MAP3K12: variants seen among roughly 807,000 people sequenced by gnomAD.
The protein encoded by MAP3K12 is mitogen-activated protein kinase kinase kinase 12.
Under a neutral mutation model 87.5 loss-of-function variants are expected in MAP3K12, and 14 were observed. That is an observed-to-expected ratio of 0.16 (90% CI 0.11 to 0.25). The LOEUF (loss-of-function observed/expected upper bound fraction) is 0.25. MAP3K12 is among the 10% of genes least tolerant of loss of function. The pLI is 1.00. For synonymous variants in MAP3K12, 469 were observed against 452.5 expected, an observed-to-expected ratio of 1.04 and a Z score of -0.46; for missense variants, 802 against 1,140.4, an observed-to-expected ratio of 0.70 and a Z score of 4.27.
Position 53,481,134 on chromosome 12 carries a change from T to C in MAP3K12, c.*48A>G. 1 of 741,436 alleles carries C rather than the reference T, an allele frequency of 1.3e-6. No homozygotes were observed. The highest frequency in any genetic ancestry group is 4.7e-5 in the Admixed American group (1 of 21,138). The allele number at this position is 741,436 out of a possible 1,614,324, so 45.9% of individuals were successfully genotyped here. ...ATATATATATATATATGTATATATATATAATTTATATAAATATTTCTCTAT... is the reference window on the plus strand; with the variant it reads ...ATATATATATATATATGTATATATACATAATTTATATAAATATTTCTCTAT... On this transcript the variant is annotated 3_prime_UTR_variant, in exon 14 of 14. Transcript: ENST00000547488.
In MAP3K12 at chr12:53,486,281, T is replaced by G. The variant is rs745612185; in HGVS notation, c.630-34A>C. On this transcript the variant is annotated intron_variant, in intron 3 of 13. Coordinates refer to ENST00000547488, the MANE Select transcript of MAP3K12 (RefSeq NM_001193511.2). This position sits in a 1 kb window ranked among gnomAD's most constrained non-coding sequence, Gnocchi z 4.9. ...CAAACAATGGTATGAAGGCCTCAGC[T>G]GGCTCAGCATTCACCTGATTCATAC... 3.2e-6 allele frequency: 5 copies of G among 1,570,562 alleles called. No individual in the cohort carries two copies. The highest frequency in any genetic ancestry group is 2.7e-5 in the African/African-American group (2 of 74,134).
At chr12:53,495,891 A>G (rs974752137) in intron 1 of MAP3K12, among the ~76,000 whole-genome samples, 1 of 152,312 alleles carries the variant, frequency 6.6e-6, no homozygotes, top group East Asian at 1.9e-4. Flanking sequence ...CCACACTTCC[A>G]GTGGGGTGGG....
intron 6 of MAP3K12, 90 bp downstream of exon 6, chr12:53,484,966 T>C: frequency 6.7e-7 from 1 of 1,482,920 alleles, no homozygotes; most frequent in Non-Finnish European, 9.3e-7. Context: ...GAATTAAATG[T>C]ACCCCTGCCA....
chr12:53,489,301 G>A (rs948212969), intron 1 of MAP3K12, among the ~76,000 whole-genome samples: 3 of 151,884 alleles, frequency 2.0e-5, no homozygotes, highest in Non-Finnish European at 2.9e-5. Flanking sequence ...CCTGGGCGAA[G>A]TAGCCAAACC....
At chr12:53,485,877 T>C (rs146954566) in intron 4 of MAP3K12, 179 bp downstream of exon 4, 25 of 615,278 alleles carry the variant, frequency 4.1e-5, no homozygotes, top group Non-Finnish European at 6.7e-5. Context: ...TTAAAATCAT[T>C]TGGGACACTC....
At position 53,482,002 on chromosome 12, in the gene MAP3K12, A is replaced by C; in HGVS notation, c.2519T>G (p.Val840Gly). The part of the protein sequence containing the change: ...EIPLDPPPSE[V>G]IPGPEPSSLP... ...GGAGCTGGGTTCAGGGCCAGGGATG[A>C]CCTCTGAAGGAGGTGGGTCCAGTGG... Residue 840 changes from valine (V) to glycine (G), a missense_variant, in exon 13 of 14, where the codon GTC becomes GGC. Coordinates refer to ENST00000547488, the MANE Select transcript of MAP3K12 (RefSeq NM_001193511.2). The C allele has an allele frequency of 6.2e-7, 1 of 1,614,104 alleles. No individual in the cohort carries two copies. The highest frequency in any genetic ancestry group is 8.5e-7 in the Non-Finnish European group (1 of 1,180,020).
intron 1 of MAP3K12, among the ~76,000 whole-genome samples, chr12:53,489,899 G>A (rs776210423): frequency 1.3e-5 from 2 of 152,142 alleles, no homozygotes; most frequent in Non-Finnish European, 2.9e-5. Context: ...CACTGTTACT[G>A]CCTTAGTTCA....
At chr12:53,491,157 G>A (rs990029573) in intron 1 of MAP3K12, among the ~76,000 whole-genome samples, 8 of 150,328 alleles carry the variant, frequency 5.3e-5, no homozygotes, top group Non-Finnish European at 7.4e-5. Context: ...GTGGGGCGGC[G>A]GTCGCCTGTA....
rs1943246557 is a variant in MAP3K12, at chr12:53,487,073, C to T, written c.319G>A (p.Ala107Thr). ...TGGCACTGCAGTCGCACCTCGTCAG[C>T]TCGAACTCTGGATGCCCGACTCTCA... Reference protein sequence around the residue: ...SPESRASRVRADEVRLQCQSG... With the variant: ...SPESRASRVRTDEVRLQCQSG... Residue 107 changes from alanine to threonine, a missense_variant, in exon 2 of 14, where the codon GCT becomes ACT. Transcript: ENST00000547488. 1 of 1,613,992 alleles carries T rather than the reference C, an allele frequency of 6.2e-7. No homozygotes were observed. Among genetic ancestry groups the T allele is most frequent in the African/African-American group, 1.3e-5 (1 of 74,934 alleles).
intron 1 of MAP3K12, among the ~76,000 whole-genome samples, chr12:53,499,081 CT>C (rs1203797022): frequency 4.6e-5 from 7 of 151,650 alleles, no homozygotes; most frequent in African/African-American, 1.7e-4. Context: ...CTCCTTCCCT[CT>C]CTCTCTTCCT....
chr12:53,497,429 G>A (rs1943566116), intron 1 of MAP3K12, among the ~76,000 whole-genome samples: 2 of 152,128 alleles, frequency 1.3e-5, no homozygotes, highest in African/African-American at 4.8e-5. Flanking sequence ...AAAGGGCAAG[G>A]GCTCTATCCT....
At position 53,483,431 on chromosome 12, in the gene MAP3K12, G is replaced by A. The variant is rs753085611; in HGVS notation, c.1531C>T (p.Arg511Trp). 1.4e-5 allele frequency: 23 copies of A among 1,614,024 alleles called. No individual in the cohort carries two copies. Among genetic ancestry groups the A allele is most frequent in the Non-Finnish European group, 1.9e-5 (22 of 1,180,034 alleles). ...CPGLLKPHPS[R>W]GLLHGNTMEK... ...ATTGTGTTTCCATGCAGGAGGCCCC[G>A]GGAAGGGTGTGGCTTCAGCAGGCCT... Residue 511 changes from arginine to tryptophan, a missense_variant, in exon 10 of 14, where the codon CGG (arginine) becomes TGG (tryptophan). By Grantham distance (101) the Arg-to-Trp change is moderately radical. This residue lies in a region of MAP3K12 where 99 missense variants were observed against 193.4 expected (regional missense o/e 0.51). Transcript: ENST00000547488.
chr12:53,483,751 G>A lies in MAP3K12; in HGVS notation c.1359-28C>T, dbSNP rs1242136076. ...GCAACGGGCAGAAAGGTTCCCCAAGGTGAACTGGGTTCACCTAGGGCCATA... is the reference window on the plus strand; with the variant it reads ...GCAACGGGCAGAAAGGTTCCCCAAGATGAACTGGGTTCACCTAGGGCCATA... On this transcript the variant is annotated intron_variant, in intron 8 of 13. Transcript: ENST00000547488. The A allele has an allele frequency of 3.7e-6, 6 of 1,613,362 alleles. No individual in the cohort carries two copies. In the Admixed American group the frequency reaches 1.0e-4, roughly 27 times the overall value.
intron 13 of MAP3K12, 79 bp from the exon 14 acceptor site, chr12:53,481,359 A>G: frequency 1.3e-6 from 1 of 752,412 alleles, no homozygotes; most frequent in Non-Finnish European, 1.9e-6. Flanking sequence ...TGGCTTACTG[A>G]TTTGTTTTTT....
upstream of MAP3K12, chr12:53,501,207 C>A: frequency 3.3e-6 from 2 of 599,862 alleles, no homozygotes; most frequent in Non-Finnish European, 5.8e-6. Context: ...GCCACGCACG[C>A]AGAGGGTTGT....
At position 53,480,840 on chromosome 12, in the gene MAP3K12, C is replaced by G. The variant is rs1425419705; in HGVS notation, c.*342G>C. The G allele has an allele frequency of 6.6e-6, 1 of 151,928 alleles. No homozygotes were observed. Among genetic ancestry groups the G allele is most frequent in the Non-Finnish European group, 1.5e-5 (1 of 67,998 alleles). 9.4% of individuals were successfully genotyped at this position (151,928 alleles called of 1,614,324 possible). ...GTGGTTTTCTCTCCTGCCCCTCCCA[C>G]CGCCCCTCCCCCCACCCCCTATTAT... On this transcript the variant is annotated 3_prime_UTR_variant, in exon 14 of 14. Transcript: ENST00000547488.
In MAP3K12 at chr12:53,485,184, C is replaced by T; in HGVS notation, c.1011G>A (p.Leu337=). The change falls in exon 6 of 14, where the codon CTG becomes CTA. Residue 337 remains leucine, a synonymous_variant. Coordinates refer to ENST00000547488, the MANE Select transcript of MAP3K12 (RefSeq NM_001193511.2). The stretch of plus-strand genomic sequence containing the variant: ...CGTCTTTGTAGGGGATCTCACCAGT[C>T]AGCAGTTCCCATAGCACCACGCCAA... ...WSFGVVLWEL[L]TGEIPYKDVD... The T allele has an allele frequency of 6.2e-7, 1 of 1,613,676 alleles. No homozygotes were observed. Among genetic ancestry groups the T allele is most frequent in the Non-Finnish European group, 8.5e-7 (1 of 1,179,718 alleles).
intron 1 of MAP3K12, among the ~76,000 whole-genome samples, chr12:53,490,853 G>A (rs1943378886): frequency 6.6e-6 from 1 of 152,122 alleles, no homozygotes; most frequent in South Asian, 2.1e-4. Flanking sequence ...TGAAGCTGCA[G>A]TGAGCAGTGA....
At chr12:53,491,146 G>A (rs1390164343) in intron 1 of MAP3K12, among the ~76,000 whole-genome samples, 2 of 151,154 alleles carry the variant, frequency 1.3e-5, no homozygotes, top group Non-Finnish European at 3.0e-5. Context: ...AAATTAGCCA[G>A]GTGGGGCGGC....
Sources: allele counts gnomAD v4.1 joint callset (sites outside exome capture counted in the v4.1 genomes callset), GRCh38; gene constraint gnomAD v4.1.1; regional missense constraint gnomAD v4.1.1; non-coding constraint Gnocchi (gnomAD v3.1); transcripts MANE v1.5; gene names NCBI Gene and HGNC (gene_info 2026-07-23, HGNC 2026-07-21).